The following PHACTR2 variants were observed in gnomAD, a reference collection of about 807,000 sequenced individuals.
PHACTR2 encodes phosphatase and actin regulator 2.
Under a neutral mutation model 76.0 loss-of-function variants are expected in PHACTR2, and 30 were observed. The ratio of observed to expected loss-of-function variants is 0.39; its 90% confidence interval spans 0.30 to 0.54. PHACTR2 has a LOEUF of 0.54. PHACTR2 is among the 20% of genes least tolerant of loss of function. PHACTR2 has a pLI of 0.61. For missense variants in PHACTR2, 696 were observed against 781.1 expected (o/e 0.89, Z 1.30); for synonymous variants, 292 against 292.5 (o/e 1.00, Z 0.02).
At position 143,791,605 on chromosome 6, in the gene PHACTR2, A is replaced by G. The variant is rs1775691286; in HGVS notation, c.1845+2695A>G. On this transcript the variant is annotated intron_variant, in intron 11 of 12. Coordinates refer to ENST00000440869, the MANE Select transcript of PHACTR2 (RefSeq NM_001100164.2). This position sits in a 1 kb window ranked among gnomAD's most constrained non-coding sequence, Gnocchi z 4.7. ...CTGTAAGATCAATCTTGCTAGTTCT[A>G]TTCAGATTTCTGTACCCTTAGTTAT... Among the ~76,000 whole-genome samples, 1 of 152,152 alleles carries G rather than the reference A, an allele frequency of 6.6e-6. No individual in the cohort carries two copies. Among genetic ancestry groups the G allele is most frequent in the Non-Finnish European group, 1.5e-5 (1 of 68,020 alleles).
chr6:143,763,066 A>G (rs1779475409), intron 5 of PHACTR2, among the ~76,000 whole-genome samples: 1 of 152,212 alleles, frequency 6.6e-6, no homozygotes, highest in African/African-American at 2.4e-5. Flanking sequence ...TAATGATGAA[A>G]GAATTTTATT....
At position 143,813,604 on chromosome 6, in the gene PHACTR2, C is replaced by T. The variant is rs1448613067; in HGVS notation, c.1922+6471C>T. Among the ~76,000 whole-genome samples, 4 of 117,726 alleles carry T rather than the reference C, an allele frequency of 3.4e-5. No homozygotes were observed. In the East Asian group the frequency reaches 6.9e-4, roughly 20 times the overall value. 77.2% of individuals were successfully genotyped at this position (117,726 alleles called of 152,430 possible). ...CTGCACTCCAGCCTGGGCAACAGAGCGAGACTCCGCCTCAAAAAAAAAAAA... is the reference window on the plus strand; with the variant it reads ...CTGCACTCCAGCCTGGGCAACAGAGTGAGACTCCGCCTCAAAAAAAAAAAA... On this transcript the variant is annotated intron_variant, in intron 12 of 12. Transcript: ENST00000440869.
chr6:143,631,214 A>G (rs1461692158), intron 1 of PHACTR2, among the ~76,000 whole-genome samples: 4 of 152,144 alleles, frequency 2.6e-5, no homozygotes, highest in Non-Finnish European at 5.9e-5. Context: ...TTTTAGAGAC[A>G]GGGTCTCACT....
rs1348217606 is a variant in PHACTR2 at position 143,698,135 on chromosome 6, G to C, written c.47-13881G>C. 2.6e-5 allele frequency among the ~76,000 whole-genome samples: 4 copies of C among 152,130 alleles called. No individual in the cohort carries two copies. Among genetic ancestry groups the C allele is most frequent in the African/African-American group, 9.7e-5 (4 of 41,428 alleles). The stretch of plus-strand genomic sequence containing the variant: ...CTAAATAAAAATTATATTAGAAAAG[G>C]ATTTTGGAATAAGCTAGTTGGTTTG... On this transcript the variant is annotated intron_variant, in intron 1 of 12. Transcript: ENST00000440869. The surrounding 1 kb of genome is among the most constrained non-coding windows in gnomAD (Gnocchi z 4.3).
chr6:143,756,197 G>A (rs1165540620), intron 4 of PHACTR2, among the ~76,000 whole-genome samples: 1 of 152,040 alleles, frequency 6.6e-6, no homozygotes, highest in African/African-American at 2.4e-5. Context: ...CAAAACAAAT[G>A]GCACGTGGTG....
intron 1 of PHACTR2, among the ~76,000 whole-genome samples, chr6:143,542,203 G>C (rs1478341882): frequency 6.6e-6 from 1 of 152,128 alleles, no homozygotes; most frequent in African/African-American, 2.4e-5. Context: ...TGTGTACCTG[G>C]TGTGGACATG....
intron 2 of PHACTR2, among the ~76,000 whole-genome samples, chr6:143,734,340 G>T (rs1456363735): frequency 1.3e-5 from 2 of 152,138 alleles, no homozygotes; most frequent in Non-Finnish European, 2.9e-5. Context: ...TGGAGTTGAG[G>T]AGTCTCCCTT....
chr6:143,563,555 A>AC (rs1775312421), intron 1 of PHACTR2, among the ~76,000 whole-genome samples: 1 of 136,534 alleles, frequency 7.3e-6, no homozygotes, highest in Non-Finnish European at 1.5e-5. Flanking sequence ...CCGTCTCAAA[A>AC]AAAAAAAAAA....
At chr6:143,729,668 T>A (rs12214478) in intron 2 of PHACTR2, among the ~76,000 whole-genome samples, 17,411 of 152,200 alleles carry the variant, frequency 0.11, 1,528 homozygotes, top group African/African-American at 0.24. Context: ...ATATTCTCTT[T>A]GGTAAAAGTC....
At chr6:143,613,058 G>A (rs1425580579) in intron 1 of PHACTR2, among the ~76,000 whole-genome samples, 1 of 152,218 alleles carries the variant, frequency 6.6e-6, no homozygotes, top group Non-Finnish European at 1.5e-5. Context: ...CTCACTGCAA[G>A]CTCCGCCTCC....
chr6:143,538,680 C>T (rs1781142115), intron 1 of PHACTR2, among the ~76,000 whole-genome samples: 1 of 152,192 alleles, frequency 6.6e-6, no homozygotes, highest in Non-Finnish European at 1.5e-5. Flanking sequence ...ATTTCCATGC[C>T]TCTGACTCCA....
intron 1 of PHACTR2, among the ~76,000 whole-genome samples, chr6:143,670,447 G>A (rs184522526): frequency 4.6e-5 from 7 of 152,058 alleles, no homozygotes; most frequent in Non-Finnish European, 8.8e-5. Context: ...TTTCCAACTT[G>A]GTTTCACTCT....
upstream of PHACTR2, among the ~76,000 whole-genome samples, chr6:143,675,304 T>C (rs924503031): frequency 5.9e-5 from 9 of 152,208 alleles, no homozygotes; most frequent in Admixed American, 4.6e-4. The surrounding 1 kb of genome is among the most constrained non-coding windows in gnomAD (Gnocchi z 4.9). Flanking sequence ...GAAGGCTAAA[T>C]AGAAGCTATT....
At position 143,616,193 on chromosome 6, in the gene PHACTR2, A is replaced by C. The variant is rs1019819578; in HGVS notation, c.13+7871A>C. 1.3e-5 allele frequency among the ~76,000 whole-genome samples: 2 copies of C among 152,208 alleles called. No individual in the cohort carries two copies. Among genetic ancestry groups the C allele is most frequent in the Non-Finnish European group, 2.9e-5 (2 of 68,040 alleles). ...CAAAATTATTTTGAATTTTTTTCAC[A>C]TAAACCAATTTTTTCCAAATATTTA... is the stretch of plus-strand genomic sequence containing the variant. On this transcript the variant is annotated intron_variant, in intron 1 of 11. Coordinates refer to the PHACTR2 transcript ENST00000305766. The surrounding 1 kb of genome is among the most constrained non-coding windows in gnomAD (Gnocchi z 4.9).
rs1775306855 is a variant in PHACTR2 at position 143,777,332 on chromosome 6, C to T, written c.1594C>T (p.Leu532=). 2.0e-5 allele frequency: 32 copies of T among 1,592,770 alleles called. No homozygotes were observed. Among genetic ancestry groups the T allele is most frequent in the Non-Finnish European group, 2.7e-5 (31 of 1,162,778 alleles). ...QQIGTKLVRR[L]SQRPTTEELE... ...ATATCCTTTTTGTCATCATAGGAGG[C>T]TGAGCCAGAGGCCCACAACTGAAGA... Residue 532 remains leucine, a synonymous_variant, in exon 9 of 13, where the codon CTG becomes TTG. Transcript: ENST00000440869. This position sits in a 1 kb window ranked among gnomAD's most constrained non-coding sequence, Gnocchi z 4.6.
intron 7 of PHACTR2, among the ~76,000 whole-genome samples, chr6:143,773,306 T>C (rs1036080834): frequency 2.0e-5 from 3 of 152,092 alleles, no homozygotes; most frequent in African/African-American, 7.2e-5. Context: ...TTCTAGGAAA[T>C]AATAATATCA....
chr6:143,662,080 C>A lies in PHACTR2; in HGVS notation c.14-49936C>A, dbSNP rs1350559987. Among the ~76,000 whole-genome samples, 1 of 152,200 alleles carries A rather than the reference C, an allele frequency of 6.6e-6. No homozygotes were observed. The highest frequency in any genetic ancestry group is 1.9e-4 in the East Asian group (1 of 5,192). The stretch of plus-strand genomic sequence containing the variant: ...TTGATGAAAGATTAAGTCAGAGCAC[C>A]TGCAAGCTTCATTGCTCCTCCCCCT... On this transcript the variant is annotated intron_variant, in intron 1 of 11. Coordinates refer to the PHACTR2 transcript ENST00000305766. The surrounding 1 kb of genome is among the most constrained non-coding windows in gnomAD (Gnocchi z 4.7).
rs199696240 is a variant in PHACTR2 at position 143,624,110 on chromosome 6, G to C, written c.13+15788G>C. Among the ~76,000 whole-genome samples the C allele has an allele frequency of 8.0e-6, 1 of 124,916 alleles. No individual in the cohort carries two copies. 81.9% of individuals were successfully genotyped at this position (124,916 alleles called of 152,430 possible). On this transcript the variant is annotated intron_variant, in intron 1 of 11. Transcript: ENST00000305766. The surrounding 1 kb of genome is among the most constrained non-coding windows in gnomAD (Gnocchi z 4.6). ...GTTAATTTTTTTTGTTGTTTTTTTT[G>C]TTTGTTTGTTTGTTTTTAGACAGTA...
Position 143,819,579 on chromosome 6 carries a change from G to A in PHACTR2, c.1923-4095G>A, listed in dbSNP as rs143485936. On this transcript the variant is annotated intron_variant, in intron 12 of 12. Transcript: ENST00000440869. The surrounding 1 kb of genome is among the most constrained non-coding windows in gnomAD (Gnocchi z 5.0). ...TCCAAGGCTGGAGGCCTGAGAGCTC[G>A]AGGCAGTGGGGAGTACTGGTGTAAG... 7.9e-4 allele frequency among the ~76,000 whole-genome samples: 121 copies of A among 152,312 alleles called. 1 individual carries two copies. The South Asian group carries it at 0.013, about 16-fold the overall frequency.
Sources: allele counts gnomAD v4.1 joint callset (sites outside exome capture counted in the v4.1 genomes callset), GRCh38; gene constraint gnomAD v4.1.1; non-coding constraint Gnocchi (gnomAD v3.1); transcripts MANE v1.5; gene names NCBI Gene and HGNC (gene_info 2026-07-23, HGNC 2026-07-21).